GLRA1: variants seen among roughly 807,000 people sequenced by gnomAD.
GLRA1 encodes glycine receptor subunit alpha-1.
Under a neutral mutation model 48.3 loss-of-function variants are expected in GLRA1, and 37 were observed. The ratio of observed to expected loss-of-function variants is 0.77; its 90% confidence interval spans 0.59 to 1.01. The LOEUF (loss-of-function observed/expected upper bound fraction) is 1.01. Among genes scored for constraint, GLRA1 ranks in the 50% least tolerant of loss-of-function variants. The pLI is 0.00. For synonymous variants in GLRA1, 196 were observed against 210.7 expected, an observed-to-expected ratio of 0.93 and a Z score of 0.60; for missense variants, 427 against 571.0, an observed-to-expected ratio of 0.75 and a Z score of 2.57.
At chr5:151,861,522 CTTCTT>C (rs1753204150) in intron 3 of GLRA1, among the ~76,000 whole-genome samples, 1 of 152,172 alleles carries the variant, frequency 6.6e-6, no homozygotes, top group Non-Finnish European at 1.5e-5. Flanking sequence ...GCATAAATGT[CTTCTT>C]TTGAGAATTG....
intron 7 of GLRA1, among the ~76,000 whole-genome samples, chr5:151,838,201 T>C (rs1167213093): frequency 1.3e-5 from 2 of 152,046 alleles, no homozygotes; most frequent in South Asian, 2.1e-4. Flanking sequence ...TAAAGAGAAA[T>C]GATAGCCTGT....
chr5:151,868,010 G>T (rs1242236434), intron 3 of GLRA1, among the ~76,000 whole-genome samples: 1 of 152,224 alleles, frequency 6.6e-6, no homozygotes, highest in Non-Finnish European at 1.5e-5. Flanking sequence ...TAAGGCTGTT[G>T]TGACAATCCA....
chr5:151,923,010 C>G (rs569831545), intron 1 of GLRA1, among the ~76,000 whole-genome samples: 2 of 152,324 alleles, frequency 1.3e-5, no homozygotes, highest in African/African-American at 4.8e-5. Context: ...TAGAATACTT[C>G]CTGCCCTTTC....
intron 1 of GLRA1, among the ~76,000 whole-genome samples, chr5:151,893,775 T>C (rs377034084): frequency 4.6e-5 from 7 of 152,366 alleles, no homozygotes; most frequent in African/African-American, 1.2e-4. Context: ...GACATTTGTG[T>C]TGGTTCCAAG....
At chr5:151,899,214 A>C (rs1450424332) in intron 1 of GLRA1, among the ~76,000 whole-genome samples, 1 of 152,196 alleles carries the variant, frequency 6.6e-6, no homozygotes, top group East Asian at 1.9e-4. Context: ...TTAAGAAATT[A>C]TAAGAGGCTG....
chr5:151,854,968 T>C, intron 6 of GLRA1, 72 bp downstream of exon 6: 1 of 1,458,474 alleles, frequency 6.9e-7, no homozygotes, highest in African/African-American at 1.4e-5. Flanking sequence ...GGATCAATGA[T>C]TGAATGTGTC....
rs919549583 is a variant in GLRA1, at chr5:151,924,779, C to T, written c.-230G>A. On this transcript the variant is annotated 5_prime_UTR_variant, in exon 1 of 9. Coordinates refer to ENST00000274576, the MANE Select transcript of GLRA1 (RefSeq NM_000171.4). ...TTCAGCACCACGGAGAGCGTCCAGACCTGCTTTTCAGGAGCGCGAAGAGTA... is the reference window on the plus strand; with the variant it reads ...TTCAGCACCACGGAGAGCGTCCAGATCTGCTTTTCAGGAGCGCGAAGAGTA... The T allele has an allele frequency of 6.5e-6, 4 of 612,162 alleles. No individual in the cohort carries two copies. Among genetic ancestry groups the T allele is most frequent in the East Asian group, 2.8e-5 (1 of 35,970 alleles). 37.9% of individuals were successfully genotyped at this position (612,162 alleles called of 1,614,324 possible).
chr5:151,912,180 G>C (rs1389117099), intron 1 of GLRA1, among the ~76,000 whole-genome samples: 1 of 150,724 alleles, frequency 6.6e-6, no homozygotes, highest in African/African-American at 2.4e-5. Context: ...GCTTTTTACA[G>C]TCCAAGCCAT....
chr5:151,835,626 T>C (rs373025164), intron 7 of GLRA1, among the ~76,000 whole-genome samples: 7 of 152,344 alleles, frequency 4.6e-5, no homozygotes, highest in African/African-American at 1.2e-4. Context: ...TCAATTCAGC[T>C]TCATCCCTGG....
intron 1 of GLRA1, among the ~76,000 whole-genome samples, chr5:151,909,985 A>G (rs754049182): frequency 1.3e-5 from 2 of 152,120 alleles, no homozygotes; most frequent in Non-Finnish European, 2.9e-5. Flanking sequence ...AGTATGTACC[A>G]TCCATCACGT....
At chr5:151,863,759 T>C (rs1753262606) in intron 3 of GLRA1, among the ~76,000 whole-genome samples, 10 of 152,204 alleles carry the variant, frequency 6.6e-5, no homozygotes, top group Admixed American at 6.5e-4. Context: ...TGATCTGTTA[T>C]CAGCAGGGAT....
chr5:151,877,029 C>T (rs1753643253), intron 3 of GLRA1, among the ~76,000 whole-genome samples: 1 of 152,180 alleles, frequency 6.6e-6, no homozygotes, highest in African/African-American at 2.4e-5. Context: ...AGGGCCCTCA[C>T]TAGAGACCAA....
chr5:151,869,483 G>A (rs6871781), intron 3 of GLRA1, among the ~76,000 whole-genome samples: 3,263 of 151,316 alleles, frequency 0.022, 120 homozygotes, highest in African/African-American at 0.076. Flanking sequence ...GGAGGCCAAC[G>A]TGGGTAGATC....
Position 151,872,254 on chromosome 5 carries a change from A to G in GLRA1, c.253-12246T>C, listed in dbSNP as rs981362719. On this transcript the variant is annotated intron_variant, in intron 3 of 8. Transcript: ENST00000274576. ...CTCCAAATGGATTTAGGAGATGCAT[A>G]TAAAAAAAGAAACCTATAATATTAT... Among the ~76,000 whole-genome samples the G allele has an allele frequency of 2.7e-5, 4 of 149,478 alleles. 1 individual carries two copies. The highest frequency in any genetic ancestry group is 1.0e-4 in the African/African-American group (4 of 38,830).
chr5:151,849,468 C>CTTCA, intron 7 of GLRA1, among the ~76,000 whole-genome samples: 1 of 38,072 alleles, frequency 2.6e-5, no homozygotes, highest in Non-Finnish European at 4.4e-5. Context: ...TCCTTCCTTC[C>CTTCA]TTCCTTCCTT....
At chr5:151,865,913 T>C (rs560074653) in intron 3 of GLRA1, among the ~76,000 whole-genome samples, 1 of 152,274 alleles carries the variant, frequency 6.6e-6, no homozygotes, top group Admixed American at 6.5e-5. Context: ...GAAATGCAGT[T>C]CAGAAGAGAT....
intron 2 of GLRA1, among the ~76,000 whole-genome samples, chr5:151,889,455 A>T (rs1263681719): frequency 6.6e-6 from 1 of 152,232 alleles, no homozygotes; most frequent in Admixed American, 6.5e-5. Flanking sequence ...ATTTGGGGTC[A>T]TGCCTGTCAG....
chr5:151,869,029 G>A (rs1044231894), intron 3 of GLRA1, among the ~76,000 whole-genome samples: 9 of 152,134 alleles, frequency 5.9e-5, no homozygotes, highest in Non-Finnish European at 1.3e-4. Context: ...AAAGATCAAT[G>A]TGAATTTAAT....
Position 151,829,049 on chromosome 5 carries a change from T to TG in GLRA1, c.930dup (p.Ile311HisfsTer2). On this transcript the variant is annotated frameshift_variant, in exon 8 of 9. Coordinates refer to ENST00000274576, the MANE Select transcript of GLRA1 (RefSeq NM_000171.4). LOFTEE classifies it high-confidence loss of function. ...AGGCAAACTGCCATCCAAATGTCAATGGCTTTCACATAGGACACCTAGAGT... is the reference window on the plus strand; with the variant it reads ...AGGCAAACTGCCATCCAAATGTCAATGGGCTTTCACATAGGACACCTAGAGT... 1.2e-6 allele frequency: 2 copies of TG among 1,614,022 alleles called. No individual in the cohort carries two copies. Among genetic ancestry groups the TG allele is most frequent in the Non-Finnish European group, 1.7e-6 (2 of 1,179,954 alleles).
Sources: gnomAD v4.1 joint callset for allele counts (sites outside exome capture counted in the v4.1 genomes callset) on GRCh38, gnomAD v4.1.1 for gene constraint, MANE v1.5 for transcripts, NCBI Gene and HGNC (gene_info 2026-07-23, HGNC 2026-07-21) for gene names.